The following CDK6 variants were observed in gnomAD, a reference collection of about 807,000 sequenced individuals.
The protein encoded by CDK6 is cyclin dependent kinase 6, also known as cyclin-dependent kinase 6.
Under a neutral mutation model 37.1 loss-of-function variants are expected in CDK6, and 6 were observed. The ratio of observed to expected loss-of-function variants is 0.16; its 90% CI spans 0.09 to 0.32. The LOEUF is 0.32. Ranked by LOEUF, CDK6 falls within the 10% of genes least tolerant of loss-of-function variation. The probability of loss-of-function intolerance (pLI) is 1.00; values close to 1 mark genes in which losing one functional copy is unlikely to be tolerated. For missense variants in CDK6, 224 were observed against 418.9 expected, an observed-to-expected ratio of 0.53 and a Z score of 4.06; for synonymous variants, 160 against 161.3, an observed-to-expected ratio of 0.99 and a Z score of 0.06.
chr7:92,802,795 G>A (rs977099712), intron 2 of CDK6, among the ~76,000 whole-genome samples: 2 of 152,206 alleles, frequency 1.3e-5, no homozygotes, highest in African/African-American at 4.8e-5. Flanking sequence ...ATTGATATCT[G>A]AGGCTGGATA....
At chr7:92,802,391 A>C (rs1010152797) in intron 2 of CDK6, among the ~76,000 whole-genome samples, 3 of 152,208 alleles carry the variant, frequency 2.0e-5, no homozygotes, top group African/African-American at 7.2e-5. Context: ...CTTGCAAAGG[A>C]ATTCCAGTTT....
rs1414723329 is a variant in CDK6 at position 92,835,800 on chromosome 7, G to A, written c.-368+678C>T. ...GGACGGGCGCGCTGCGGGGACCAGG[G>A]CTGCTCACTGCGGGGCGTGTGTTTA... On this transcript the variant is annotated intron_variant, in intron 1 of 7. Coordinates refer to ENST00000424848, the MANE Select transcript of CDK6 (RefSeq NM_001145306.2). The surrounding 1 kb of genome is among the most constrained non-coding windows in gnomAD (Gnocchi z 4.2). Among the ~76,000 whole-genome samples, 1 of 152,236 alleles carries A rather than the reference G, an allele frequency of 6.6e-6. No individual in the cohort carries two copies. The highest frequency in any genetic ancestry group is 1.5e-5 in the Non-Finnish European group (1 of 68,046).
rs1381033921 is a variant in CDK6 at position 92,780,963 on chromosome 7, G to C, written c.234-6132C>G. On this transcript the variant is annotated intron_variant, in intron 2 of 7. Coordinates refer to ENST00000424848, the MANE Select transcript of CDK6 (RefSeq NM_001145306.2). ...ATACCATTTCAAGAATTACATGACA[G>C]CAGTTCCATAAGAAAAATGTAATCA... Among the ~76,000 whole-genome samples the C allele has an allele frequency of 2.0e-5, 3 of 152,016 alleles. No individual in the cohort carries two copies. The East Asian group carries it at 5.8e-4, about 29-fold the overall frequency.
intron 3 of CDK6, among the ~76,000 whole-genome samples, chr7:92,738,564 T>C (rs1187955586): frequency 1.3e-5 from 2 of 150,684 alleles, no homozygotes; most frequent in Non-Finnish European, 3.0e-5. Flanking sequence ...GCTTGAACCC[T>C]GGAGGTGGAG....
chr7:92,695,734 A>G (rs1482379082), intron 4 of CDK6, among the ~76,000 whole-genome samples: 1 of 152,220 alleles, frequency 6.6e-6, no homozygotes, highest in Non-Finnish European at 1.5e-5. Flanking sequence ...GGTGGCTGGG[A>G]GCCAATGTTT....
At chr7:92,618,386 C>A (rs1015343911) in intron 6 of CDK6, 179 bp from the exon 7 acceptor site, 9 of 554,886 alleles carry the variant, frequency 1.6e-5, no homozygotes, top group Non-Finnish European at 2.8e-5. Context: ...ATATGGTGGC[C>A]ATGGGGGAGA....
At chr7:92,810,568 A>C (rs963354418) in intron 2 of CDK6, among the ~76,000 whole-genome samples, 1 of 152,238 alleles carries the variant, frequency 6.6e-6, no homozygotes, top group Non-Finnish European at 1.5e-5. Flanking sequence ...CATGACGAAA[A>C]GAAGTGATGA....
intron 4 of CDK6, among the ~76,000 whole-genome samples, chr7:92,698,741 A>G (rs1797776359): frequency 6.6e-6 from 1 of 152,190 alleles, no homozygotes; most frequent in Non-Finnish European, 1.5e-5. Flanking sequence ...TCTGTCACGC[A>G]CAATCACTGG....
intron 5 of CDK6, among the ~76,000 whole-genome samples, chr7:92,644,472 C>T (rs1047828179): frequency 2.6e-4 from 40 of 152,236 alleles, no homozygotes; most frequent in Non-Finnish European, 4.4e-5. Context: ...CCCTCTACTC[C>T]CTGGCTTCTG....
chr7:92,674,051 A>T (rs535805819), intron 4 of CDK6, among the ~76,000 whole-genome samples: 3 of 148,414 alleles, frequency 2.0e-5, no homozygotes, highest in South Asian at 4.2e-4. Flanking sequence ...AAGTGATAAG[A>T]TTACAGGCAT....
chr7:92,767,159 T>C (rs1584067176), intron 3 of CDK6, among the ~76,000 whole-genome samples: 1 of 152,210 alleles, frequency 6.6e-6, no homozygotes, highest in African/African-American at 2.4e-5. Flanking sequence ...ACCTACTAAA[T>C]AGCTGTTATA....
intron 2 of CDK6, among the ~76,000 whole-genome samples, chr7:92,779,617 G>A (rs980109733): frequency 6.6e-6 from 1 of 152,202 alleles, no homozygotes; most frequent in Non-Finnish European, 1.5e-5. Context: ...TCCTAAGGGT[G>A]CCTGTAGGAT....
At chr7:92,778,216 C>G (rs1361999965) in intron 2 of CDK6, among the ~76,000 whole-genome samples, 1 of 152,108 alleles carries the variant, frequency 6.6e-6, no homozygotes, top group African/African-American at 2.4e-5. Flanking sequence ...ATAGCCAGAT[C>G]CAAGCTTCTT....
chr7:92,767,423 A>G (rs1256499715), intron 3 of CDK6, among the ~76,000 whole-genome samples: 3 of 152,200 alleles, frequency 2.0e-5, no homozygotes, highest in Non-Finnish European at 4.4e-5. Flanking sequence ...TATTAGTAAG[A>G]TTACACTGAA....
At chr7:92,827,362 A>T (rs1332098807) in intron 2 of CDK6, among the ~76,000 whole-genome samples, 1 of 152,114 alleles carries the variant, frequency 6.6e-6, no homozygotes, top group African/African-American at 2.4e-5. Context: ...ACTATAGACA[A>T]AGGAGATGGT....
chr7:92,751,991 T>G (rs1328799727), intron 3 of CDK6, among the ~76,000 whole-genome samples: 2 of 152,196 alleles, frequency 1.3e-5, no homozygotes, highest in Non-Finnish European at 2.9e-5. Flanking sequence ...ATAAAAATTA[T>G]ATTTAATTCT....
At position 92,614,477 on chromosome 7, in the gene CDK6, TA is replaced by T. The variant is rs1337245033; in HGVS notation, c.*662del. ...TTTTTTCTCCTTTTTGCTGTGTGTA[TA>T]AAACTTCATCTTTTACTGCTAGCAA... On this transcript the variant is annotated 3_prime_UTR_variant, in exon 8 of 8. Transcript: ENST00000424848. 4.3e-6 allele frequency: 1 copy of T among 233,124 alleles called. No homozygotes were observed. Among genetic ancestry groups the T allele is most frequent in the Admixed American group, 5.6e-5 (1 of 17,774 alleles). The allele number at this position is 233,124 out of a possible 1,614,324, so 14.4% of individuals were successfully genotyped here. A position where few individuals can be genotyped will look rare whatever the true frequency, so the allele number is the denominator to read the frequency against.
intron 2 of CDK6, among the ~76,000 whole-genome samples, chr7:92,817,871 C>T (rs1176589970): frequency 1.3e-5 from 2 of 151,734 alleles, no homozygotes; most frequent in Non-Finnish European, 2.9e-5. Flanking sequence ...AAAAACAATG[C>T]CTTTTACAAT....
chr7:92,618,316 G>C (rs1795725991), intron 6 of CDK6, 109 bp from the exon 7 acceptor site: 3 of 1,058,128 alleles, frequency 2.8e-6, no homozygotes, highest in African/African-American at 1.6e-5. Flanking sequence ...GGGGGGCAGA[G>C]TCCCAGGAGA....
Sources: gnomAD v4.1 joint callset for allele counts (sites outside exome capture counted in the v4.1 genomes callset) on GRCh38, gnomAD v4.1.1 for gene constraint, Gnocchi (gnomAD v3.1) non-coding constraint, MANE v1.5 for transcripts, NCBI Gene and HGNC (gene_info 2026-07-23, HGNC 2026-07-21) for gene names.